MYB: variants seen among roughly 807,000 people sequenced by gnomAD.
MYB encodes the protein transcriptional activator Myb.
A neutral mutation model predicts 92.9 loss-of-function variants in MYB; 28 were observed. That is an observed-to-expected ratio of 0.30 (90% CI 0.22 to 0.41). The LOEUF is 0.41. MYB is among the 10% of genes least tolerant of loss of function. The pLI, the probability that MYB is intolerant of heterozygous loss-of-function variation, is 1.00. For synonymous variants in MYB, 295 were observed against 329.1 expected, an observed-to-expected ratio of 0.90 and a Z score of 1.12; for missense variants, 679 against 929.3, an observed-to-expected ratio of 0.73 and a Z score of 3.50.
Position 135,197,245 on chromosome 6 carries a change from C to A in MYB, c.1488C>A (p.Ser496Arg). The A allele has an allele frequency of 6.2e-7, 1 of 1,614,000 alleles. No homozygotes were observed. Among genetic ancestry groups the A allele is most frequent in the Non-Finnish European group, 8.5e-7 (1 of 1,179,888 alleles). ...QASPLATGDC[S>R]SFIFADVSSS... ...GCCCCTTAGCCACTGGAGACTGTAG[C>A]TCCTTCATATTTGCTGACGTCAGCA... Residue 496 changes from serine to arginine, a missense_variant, in exon 10 of 16, where the codon AGC (serine) becomes AGA (arginine). Ser to Arg is a moderately radical substitution (Grantham distance 110). Around this residue, in one of 8 missense-constraint regions of MYB, gnomAD observed 402 missense variants for 434.2 expected, o/e 0.93. Transcript: ENST00000341911.
intron 8 of MYB, chr6:135,195,506 A>AT: frequency 2.0e-6 from 1 of 509,034 alleles, no homozygotes; most frequent in Non-Finnish European, 3.5e-6. Flanking sequence ...ATGATTTGAC[A>AT]TTTTTACAAA....
chr6:135,205,080 T>G (rs1159143850), intron 15 of MYB, among the ~76,000 whole-genome samples: 1 of 151,576 alleles, frequency 6.6e-6, no homozygotes, highest in Non-Finnish European at 1.5e-5. Flanking sequence ...AAAAAGAATA[T>G]CACAAATAAT....
intron 14 of MYB, chr6:135,202,978 A>G (rs1365449931): frequency 1.4e-6 from 1 of 697,334 alleles, no homozygotes; most frequent in Non-Finnish European, 2.6e-6. Flanking sequence ...ACATGCCTAG[A>G]ACTCTGGGAT....
rs900245440 is a variant in MYB at position 135,200,194 on chromosome 6, A to T, written c.1819A>T (p.Met607Leu). Residue 607 changes from methionine to leucine, a missense_variant, in exon 12 of 16, where the codon ATG (methionine) becomes TTG (leucine). Met to Leu is a conservative substitution (Grantham distance 15, BLOSUM62 2). Around this residue, in one of 8 missense-constraint regions of MYB, gnomAD observed 402 missense variants for 434.2 expected, o/e 0.93. Coordinates refer to ENST00000341911, the MANE Select transcript of MYB (RefSeq NM_001130173.2). ...AQEIKYGPLK[M>L]LPQTPSHLVE... ...AGAAATTAAATACGGTCCCCTGAAG[A>T]TGCTAGTAAGTTCTAGAAAAGTTTT... 8.1e-6 allele frequency: 13 copies of T among 1,614,026 alleles called. No homozygotes were observed. In the Admixed American group the frequency reaches 1.8e-4, roughly 23 times the overall value.
In MYB at chr6:135,181,573, C is replaced by T; in HGVS notation, c.23+37C>T. ...CCGGGCGGGCGGCCGAGGGCGGGGG[C>T]GCGCGGGGGCGCGCGGGGCGCCAGG... On this transcript the variant is annotated intron_variant, in intron 1 of 15. Transcript: ENST00000341911. This position sits in a 1 kb window ranked among gnomAD's most constrained non-coding sequence, Gnocchi z 5.3. 8.9e-7 allele frequency: 1 copy of T among 1,124,366 alleles called. No homozygotes were observed. The highest frequency in any genetic ancestry group is 1.1e-6 in the Non-Finnish European group (1 of 910,758). 69.6% of individuals were successfully genotyped at this position (1,124,366 alleles called of 1,614,324 possible). A position where few individuals can be genotyped will look rare whatever the true frequency, so the allele number is the denominator to read the frequency against.
At chr6:135,203,911 GT>G in intron 15 of MYB, 1 of 1,147,468 alleles carries the variant, frequency 8.7e-7, no homozygotes, top group South Asian at 1.8e-5. Flanking sequence ...GTGGGTGTGT[GT>G]TGATGAAATA....
At chr6:135,195,060 A>G in intron 8 of MYB, 1 of 1,313,834 alleles carries the variant, frequency 7.6e-7, no homozygotes, top group Non-Finnish European at 1.0e-6. Context: ...CAACAAAGAC[A>G]ATAAAAGAGA....
At position 135,190,032 on chromosome 6, in the gene MYB, G is replaced by T. The variant is rs1776437519; in HGVS notation, c.307-95G>T. 6.7e-7 allele frequency: 1 copy of T among 1,493,048 alleles called. No individual in the cohort carries two copies. The highest frequency in any genetic ancestry group is 1.4e-5 in the African/African-American group (1 of 70,878). 92.5% of individuals were successfully genotyped at this position (1,493,048 alleles called of 1,614,324 possible). On this transcript the variant is annotated intron_variant, in intron 4 of 15. Coordinates refer to ENST00000341911, the MANE Select transcript of MYB (RefSeq NM_001130173.2). This position sits in a 1 kb window ranked among gnomAD's most constrained non-coding sequence, Gnocchi z 4.5. ...TTCCAGTGAATGAAAGCAAATTTTG[G>T]AAATTTTCTAAAGATCTTGTAACAC...
At chr6:135,206,205 CAAAA>C (rs67836018) in intron 15 of MYB, among the ~76,000 whole-genome samples, 32 of 87,350 alleles carry the variant, frequency 3.7e-4, no homozygotes, top group South Asian at 1.3e-3. Context: ...GACTCCATCT[CAAAA>C]AAAAAAAAAA....
rs1777405939 is a variant in MYB at position 135,196,945 on chromosome 6, T to G, written c.1204-16T>G. 1 of 1,606,316 alleles carries G rather than the reference T, an allele frequency of 6.2e-7. No individual in the cohort carries two copies. Among genetic ancestry groups the G allele is most frequent in the Non-Finnish European group, 8.5e-7 (1 of 1,176,394 alleles). The stretch of plus-strand genomic sequence containing the variant: ...ACACACTATCTCAAAGTTCTGTGCC[T>G]CCCACATTGTTTCAGGATTCTTCAT... On this transcript the variant is annotated splice_polypyrimidine_tract_variant and intron_variant, in intron 9 of 15. Coordinates refer to ENST00000341911, the MANE Select transcript of MYB (RefSeq NM_001130173.2).
chr6:135,200,672 G>A (rs899059305), intron 13 of MYB: 2 of 509,016 alleles, frequency 3.9e-6, no homozygotes, highest in Non-Finnish European at 7.2e-6. Context: ...GGGAGGGAAA[G>A]AGGTTTTTAA....
chr6:135,203,471 A>G, intron 15 of MYB, 147 bp downstream of exon 15: 1 of 698,034 alleles, frequency 1.4e-6, no homozygotes, highest in South Asian at 2.0e-5. Context: ...ATGCTTTTAT[A>G]CAATTCTTGA....
intron 2 of MYB, 51 bp downstream of exon 2, chr6:135,186,071 A>G (rs780858580): frequency 6.6e-7 from 1 of 1,522,562 alleles, no homozygotes. Context: ...TGTATAATTT[A>G]TAAAAAACAA....
At chr6:135,188,137 T>A (rs1045823041) in intron 3 of MYB, among the ~76,000 whole-genome samples, 1 of 152,172 alleles carries the variant, frequency 6.6e-6, no homozygotes, top group African/African-American at 2.4e-5. Flanking sequence ...TTAAAAACAG[T>A]TGCTTCTTGT....
At chr6:135,203,510 T>G (rs1778432629) in intron 15 of MYB, 186 bp downstream of exon 15, 3 of 661,064 alleles carry the variant, frequency 4.5e-6, no homozygotes. Context: ...AATTCCTTTT[T>G]GCTACTCATA....
chr6:135,201,461 A>G (rs550005082), intron 13 of MYB, among the ~76,000 whole-genome samples, 178 bp from the exon 14 acceptor site: 4 of 152,362 alleles, frequency 2.6e-5, no homozygotes, highest in African/African-American at 9.6e-5. Context: ...TCACATTTCA[A>G]ATTTGCCATC....
intron 15 of MYB, among the ~76,000 whole-genome samples, chr6:135,204,260 T>G (rs1258544628): frequency 1.3e-5 from 2 of 152,240 alleles, no homozygotes; most frequent in Non-Finnish European, 2.9e-5. Context: ...ACTTGCCCGG[T>G]AAGTATTTGT....
At position 135,194,702 on chromosome 6, in the gene MYB, A is replaced by G. The variant is rs77777534; in HGVS notation, c.948+242A>G. On this transcript the variant is annotated intron_variant, in intron 8 of 15. Coordinates refer to ENST00000341911, the MANE Select transcript of MYB (RefSeq NM_001130173.2). ...TATCCACTTATGATTGTTATCATCAATTTTTTTCTTCAGAAGGACTATAAT... is the reference window on the plus strand; with the variant it reads ...TATCCACTTATGATTGTTATCATCAGTTTTTTTCTTCAGAAGGACTATAAT... 5.4e-3 allele frequency: 3,041 copies of G among 565,712 alleles called. 52 individuals carry two copies. Among genetic ancestry groups the G allele is most frequent in the African/African-American group, 0.051 (2,687 of 53,118 alleles). 35.0% of individuals were successfully genotyped at this position (565,712 alleles called of 1,614,324 possible).
chr6:135,203,396 G>A (rs1211750879), intron 15 of MYB, 72 bp downstream of exon 15: 3 of 1,259,638 alleles, frequency 2.4e-6, no homozygotes, highest in East Asian at 2.3e-5. Context: ...TGGTGGTGGT[G>A]GTGGTGGTGA....
Sources: gnomAD v4.1 joint callset for allele counts (sites outside exome capture counted in the v4.1 genomes callset) on GRCh38, gnomAD v4.1.1 for gene constraint, gnomAD v4.1.1 regional missense constraint, Gnocchi (gnomAD v3.1) non-coding constraint, MANE v1.5 for transcripts, NCBI Gene and HGNC (gene_info 2026-07-23, HGNC 2026-07-21) for gene names.